The following GSG1L variants were observed in gnomAD, a reference collection of about 807,000 sequenced individuals.
GSG1L encodes GSG1 like, also known as germ cell-specific gene 1-like protein.
Under a neutral mutation model 42.1 loss-of-function variants are expected in GSG1L, and 24 were observed. The observed-to-expected ratio is 0.57, with a 90% confidence interval of 0.41 to 0.80. GSG1L has a LOEUF of 0.80. GSG1L is among the 30% of genes least tolerant of loss of function. The pLI is 0.00. For missense variants in GSG1L, 445 were observed against 472.2 expected, an observed-to-expected ratio of 0.94 and a Z score of 0.53; for synonymous variants, 215 against 203.5, an observed-to-expected ratio of 1.06 and a Z score of -0.48.
At chr16:28,043,970 C>T (rs2086136926) in intron 1 of GSG1L, among the ~76,000 whole-genome samples, 1 of 151,806 alleles carries the variant, frequency 6.6e-6, no homozygotes, top group African/African-American at 2.4e-5. Flanking sequence ...TGCAGTGAGC[C>T]ATGATTGTGC....
intron 1 of GSG1L, among the ~76,000 whole-genome samples, chr16:28,011,087 G>T (rs1438588662): frequency 6.6e-6 from 1 of 152,182 alleles, no homozygotes; most frequent in Non-Finnish European, 1.5e-5. Flanking sequence ...ACGCCCAGAT[G>T]GCTGTTTAGA....
intron 2 of GSG1L, among the ~76,000 whole-genome samples, chr16:27,924,867 T>C (rs1050918347): frequency 2.6e-5 from 4 of 152,148 alleles, no homozygotes; most frequent in Middle Eastern, 3.2e-3. Context: ...ACTGCAACTA[T>C]CCCAGCTGAA....
intron 1 of GSG1L, among the ~76,000 whole-genome samples, chr16:28,013,219 C>CA (rs34795413): frequency 0.72 from 102,403 of 142,012 alleles, 37,985 homozygotes; most frequent in South Asian, 0.83. Flanking sequence ...AACTCTGACT[C>CA]AAAAAAAAAA....
chr16:27,928,222 C>T (rs963108322), intron 2 of GSG1L, among the ~76,000 whole-genome samples: 9 of 152,156 alleles, frequency 5.9e-5, no homozygotes, highest in Non-Finnish European at 1.0e-4. Flanking sequence ...CCTATTAGCC[C>T]AGTTTGACAG....
rs545907298 is a variant in GSG1L, at chr16:27,902,013, C to T, written c.398-17375G>A. Among the ~76,000 whole-genome samples, 298 of 152,342 alleles carry T rather than the reference C, an allele frequency of 2.0e-3. 2 individuals carry two copies. The highest frequency in any genetic ancestry group is 6.6e-3 in the African/African-American group (274 of 41,574). On this transcript the variant is annotated intron_variant, in intron 2 of 6. Transcript: ENST00000447459. The stretch of plus-strand genomic sequence containing the variant: ...CTCCATTTAAAGCAGCCACCACTGC[C>T]GTCACACACAGTCACTTTCGGTCCT...
intron 1 of GSG1L, among the ~76,000 whole-genome samples, chr16:28,042,569 G>A (rs781456466): frequency 2.6e-5 from 4 of 152,226 alleles, no homozygotes; most frequent in Non-Finnish European, 4.4e-5. Flanking sequence ...GGTGAAAGGC[G>A]AGAAGTATCA....
chr16:27,818,881 G>C (rs557141534), intron 5 of GSG1L, among the ~76,000 whole-genome samples: 1 of 152,126 alleles, frequency 6.6e-6, no homozygotes, highest in Non-Finnish European at 1.5e-5. Flanking sequence ...AAAGCCATGC[G>C]CATGTCAGTG....
rs946407604 is a variant in GSG1L at position 27,819,202 on chromosome 16, A to G, written c.830+9587T>C. Among the ~76,000 whole-genome samples the G allele has an allele frequency of 9.2e-5, 14 of 152,030 alleles. No individual in the cohort carries two copies. The East Asian group carries it at 2.7e-3, about 29-fold the overall frequency. On this transcript the variant is annotated intron_variant, in intron 5 of 6. Coordinates refer to ENST00000447459, the MANE Select transcript of GSG1L (RefSeq NM_001109763.2). The stretch of plus-strand genomic sequence containing the variant: ...GAGGCAGAGGTTGCAGTGAGCCAAG[A>G]TCACGCCACTGCACTCCAGCCTGGC...
intron 1 of GSG1L, among the ~76,000 whole-genome samples, chr16:27,969,718 T>A (rs1342092675): frequency 1.3e-5 from 2 of 152,228 alleles, no homozygotes; most frequent in African/African-American, 4.8e-5. Context: ...CTTGGGTATA[T>A]ACCCAGGAAT....
chr16:27,851,883 C>T (rs1015012030), intron 3 of GSG1L, among the ~76,000 whole-genome samples: 1 of 152,162 alleles, frequency 6.6e-6, no homozygotes, highest in Non-Finnish European at 1.5e-5. Context: ...CCTGCGCCTC[C>T]CTCGAGGTGG....
At chr16:27,897,229 T>C (rs1435157066) in intron 2 of GSG1L, among the ~76,000 whole-genome samples, 1 of 152,184 alleles carries the variant, frequency 6.6e-6, no homozygotes, top group Non-Finnish European at 1.5e-5. Flanking sequence ...ATCCATATTG[T>C]TTCAAGGCAC....
At chr16:27,931,455 G>A (rs2084656987) in intron 2 of GSG1L, among the ~76,000 whole-genome samples, 1 of 152,186 alleles carries the variant, frequency 6.6e-6, no homozygotes, top group Non-Finnish European at 1.5e-5. Context: ...ACTCAAACCA[G>A]AAGAGCCCTT....
At chr16:27,866,942 G>A (rs1360494037) in intron 3 of GSG1L, among the ~76,000 whole-genome samples, 2 of 152,190 alleles carry the variant, frequency 1.3e-5, no homozygotes, top group Admixed American at 6.5e-5. Context: ...TGCAGCTCAC[G>A]CCAACCCCCC....
intron 2 of GSG1L, among the ~76,000 whole-genome samples, chr16:27,947,583 AAG>A (rs1378766902): frequency 1.0e-5 from 1 of 97,010 alleles, no homozygotes; most frequent in African/African-American, 4.1e-5. Flanking sequence ...GAAAGAAAGA[AAG>A]AAAGAAAGAA....
chr16:27,997,916 G>A (rs556229408), intron 1 of GSG1L, among the ~76,000 whole-genome samples: 1 of 136,528 alleles, frequency 7.3e-6, no homozygotes, highest in Admixed American at 8.1e-5. Flanking sequence ...CTGGAGTGCA[G>A]CGGCACGATC....
intron 2 of GSG1L, among the ~76,000 whole-genome samples, chr16:27,890,430 G>T (rs926586848): frequency 2.6e-5 from 4 of 152,182 alleles, no homozygotes; most frequent in African/African-American, 9.7e-5. Flanking sequence ...AGTGAAGAAT[G>T]GATGGACAGG....
At chr16:27,995,137 G>A (rs962660185) in intron 1 of GSG1L, among the ~76,000 whole-genome samples, 1 of 152,174 alleles carries the variant, frequency 6.6e-6, no homozygotes, top group Non-Finnish European at 1.5e-5. Context: ...AGAAGAATGG[G>A]AGAAACAGTC....
intron 3 of GSG1L, among the ~76,000 whole-genome samples, chr16:27,865,592 TACACACACATATATATACAC>T (rs2083713334): frequency 1.6e-5 from 2 of 121,906 alleles, no homozygotes; most frequent in African/African-American, 2.9e-5. Context: ...CATACATACA[TACACACACATATATATACAC>T]ACACACACAT....
intron 3 of GSG1L, among the ~76,000 whole-genome samples, chr16:27,881,238 C>CTTTTTTTTTT (rs149874320): frequency 3.7e-5 from 4 of 106,996 alleles, no homozygotes; most frequent in Non-Finnish European, 5.4e-5. Flanking sequence ...AAGTATCATA[C>CTTTTTTTTTT]TTTTTTTTTT....
Sources: gnomAD v4.1 joint callset for allele counts (sites outside exome capture counted in the v4.1 genomes callset) on GRCh38, gnomAD v4.1.1 for gene constraint, MANE v1.5 for transcripts, NCBI Gene and HGNC (gene_info 2026-07-23, HGNC 2026-07-21) for gene names.